Variants in SLC35F1 observed in about 807,000 individuals in gnomAD.
The protein encoded by SLC35F1 is solute carrier family 35 member F1.
In SLC35F1, 14 loss-of-function variants were observed where a neutral mutation model predicts 48.7. That is an observed-to-expected ratio of 0.29 (90% CI 0.19 to 0.45). The LOEUF (loss-of-function observed/expected upper bound fraction) is 0.45. Among genes scored for constraint, SLC35F1 ranks in the 20% least tolerant of loss-of-function variants. The pLI, the probability that SLC35F1 is intolerant of heterozygous loss-of-function variation, is 1.00. For synonymous variants in SLC35F1, 190 were observed against 202.2 expected, an observed-to-expected ratio of 0.94 and a Z score of 0.51; for missense variants, 404 against 500.0, an observed-to-expected ratio of 0.81 and a Z score of 1.83.
chr6:118,012,932 T>G (rs1163951422), intron 1 of SLC35F1, among the ~76,000 whole-genome samples: 1 of 152,048 alleles, frequency 6.6e-6, no homozygotes, highest in Non-Finnish European at 1.5e-5. Flanking sequence ...TTTTTCTTTT[T>G]GAGCAATTTG....
intron 1 of SLC35F1, among the ~76,000 whole-genome samples, chr6:118,010,103 ATTC>A (rs1777225717): frequency 6.6e-6 from 1 of 152,206 alleles, no homozygotes; most frequent in Non-Finnish European, 1.5e-5. Context: ...TGACTAAAAT[ATTC>A]TTAACTAAAT....
chr6:118,278,090 A>G (rs17079939), intron 6 of SLC35F1, among the ~76,000 whole-genome samples: 6,080 of 152,318 alleles, frequency 0.04, 419 homozygotes, highest in African/African-American at 0.14. Context: ...TGAGCTAGTT[A>G]ATAGTCATCC....
chr6:117,956,003 C>A (rs1776422462), intron 1 of SLC35F1, among the ~76,000 whole-genome samples: 1 of 152,214 alleles, frequency 6.6e-6, no homozygotes, highest in Admixed American at 6.5e-5. Context: ...CAATATCGTG[C>A]TGGCTTAAAC....
chr6:118,082,813 A>G (rs1033675499), intron 1 of SLC35F1, among the ~76,000 whole-genome samples: 3 of 152,146 alleles, frequency 2.0e-5, no homozygotes, highest in African/African-American at 7.2e-5. Flanking sequence ...ATGGGTCCCT[A>G]TCTTTTGCAT....
chr6:118,184,282 T>G (rs969213300), intron 2 of SLC35F1, among the ~76,000 whole-genome samples: 7 of 152,080 alleles, frequency 4.6e-5, no homozygotes, highest in African/African-American at 9.7e-5. Context: ...CTCTCAAAAG[T>G]TTTTCCAGAT....
At chr6:117,993,312 G>C (rs927597405) in intron 1 of SLC35F1, among the ~76,000 whole-genome samples, 1 of 151,894 alleles carries the variant, frequency 6.6e-6, no homozygotes, top group Admixed American at 6.6e-5. Context: ...TTAACCACAT[G>C]GTCTTCATAA....
chr6:118,182,825 T>C (rs1201112256), intron 2 of SLC35F1, among the ~76,000 whole-genome samples: 2 of 152,188 alleles, frequency 1.3e-5, no homozygotes, highest in Non-Finnish European at 2.9e-5. Context: ...CACAAGAACA[T>C]TTGTAATGTA....
intron 6 of SLC35F1, among the ~76,000 whole-genome samples, chr6:118,278,767 C>T (rs1775947911): frequency 6.6e-6 from 1 of 152,220 alleles, no homozygotes; most frequent in Non-Finnish European, 1.5e-5. Flanking sequence ...CACCAGAAAA[C>T]AAAATGTTAC....
Position 117,912,503 on chromosome 6 carries a change from G to A in SLC35F1, c.173+4604G>A, listed in dbSNP as rs144883783. 3.3e-5 allele frequency among the ~76,000 whole-genome samples: 5 copies of A among 152,298 alleles called. No individual in the cohort carries two copies. In the East Asian group the frequency reaches 9.6e-4, roughly 29 times the overall value. ...ACATATAATTTAGATGATCCTTTCTGATCAAGTGAGAAGGCTTTTGTTAGG... is the reference window on the plus strand; with the variant it reads ...ACATATAATTTAGATGATCCTTTCTAATCAAGTGAGAAGGCTTTTGTTAGG... On this transcript the variant is annotated intron_variant, in intron 1 of 7. Transcript: ENST00000360388.
intron 1 of SLC35F1, among the ~76,000 whole-genome samples, chr6:118,107,230 G>A (rs562873767): frequency 1.3e-5 from 2 of 152,256 alleles, no homozygotes; most frequent in Middle Eastern, 3.4e-3. Context: ...GTTTAAAGCT[G>A]CTTAAGTCTG....
At chr6:118,283,835 G>A (rs942532092) in intron 6 of SLC35F1, among the ~76,000 whole-genome samples, 1 of 152,024 alleles carries the variant, frequency 6.6e-6, no homozygotes, top group Non-Finnish European at 1.5e-5. Flanking sequence ...GCAGAAAAAC[G>A]GTCCGTTTTT....
At chr6:118,115,951 T>C (rs1313953602) in intron 1 of SLC35F1, among the ~76,000 whole-genome samples, 3 of 152,204 alleles carry the variant, frequency 2.0e-5, no homozygotes, top group Non-Finnish European at 4.4e-5. Flanking sequence ...TTCCCTTCAA[T>C]ATGTGTTTCT....
At chr6:118,058,290 C>T (rs1028353646) in intron 1 of SLC35F1, among the ~76,000 whole-genome samples, 2 of 152,154 alleles carry the variant, frequency 1.3e-5, no homozygotes, top group Non-Finnish European at 2.9e-5. Context: ...AGCCCGGCCT[C>T]TCTGAACATA....
chr6:118,073,623 G>C (rs139600382), intron 1 of SLC35F1, among the ~76,000 whole-genome samples: 283 of 152,130 alleles, frequency 1.9e-3, no homozygotes, highest in African/African-American at 6.6e-3. Context: ...AAAATATTTA[G>C]TTATCTAACC....
At chr6:118,242,973 G>A (rs1775460690) in intron 3 of SLC35F1, among the ~76,000 whole-genome samples, 1 of 152,178 alleles carries the variant, frequency 6.6e-6, no homozygotes, top group Admixed American at 6.5e-5. Flanking sequence ...TGAAGGACAA[G>A]GAGGTAATCC....
intron 1 of SLC35F1, among the ~76,000 whole-genome samples, chr6:118,094,793 C>A (rs1773125146): frequency 6.6e-6 from 1 of 151,912 alleles, no homozygotes; most frequent in African/African-American, 2.4e-5. Context: ...CATGGTGAAA[C>A]CCTGTCTCTA....
intron 1 of SLC35F1, among the ~76,000 whole-genome samples, chr6:117,983,949 C>G (rs1776815353): frequency 6.6e-6 from 1 of 151,778 alleles, no homozygotes; most frequent in Non-Finnish European, 1.5e-5. Flanking sequence ...ATTGGCCTTC[C>G]TTGGTCCTTC....
At chr6:117,979,729 G>C (rs193246047) in intron 1 of SLC35F1, among the ~76,000 whole-genome samples, 6 of 152,240 alleles carry the variant, frequency 3.9e-5, no homozygotes, top group Admixed American at 3.9e-4. Flanking sequence ...AAGAGGGTCT[G>C]TTGTAGGAGA....
intron 1 of SLC35F1, among the ~76,000 whole-genome samples, chr6:118,128,482 T>A (rs1284366239): frequency 6.6e-6 from 1 of 151,902 alleles, no homozygotes; most frequent in Middle Eastern, 3.4e-3. Context: ...TATGCAGCCA[T>A]AAAAAATGAT....
Sources: allele counts gnomAD v4.1 joint callset (sites outside exome capture counted in the v4.1 genomes callset), GRCh38; gene constraint gnomAD v4.1.1; transcripts MANE v1.5; gene names NCBI Gene and HGNC (gene_info 2026-07-23, HGNC 2026-07-21).